The following SKAP2 variants were observed in gnomAD, a reference collection of about 807,000 sequenced individuals.
SKAP2 encodes the protein src kinase associated phosphoprotein 2.
Under a neutral mutation model 54.9 loss-of-function variants are expected in SKAP2, and 28 were observed. The observed-to-expected ratio is 0.51, with a 90% CI of 0.38 to 0.70. SKAP2 has a LOEUF of 0.70. SKAP2 is among the 30% of genes least tolerant of loss of function. The pLI, the probability that SKAP2 is intolerant of heterozygous loss-of-function variation, is 0.00. For missense variants in SKAP2, 356 were observed against 424.1 expected (o/e 0.84, Z 1.41); for synonymous variants, 137 against 134.3 (o/e 1.02, Z -0.14).
chr7:26,821,953 C>T (rs2127990521), intron 4 of SKAP2, among the ~76,000 whole-genome samples: 1 of 152,292 alleles, frequency 6.6e-6, no homozygotes, highest in Non-Finnish European at 1.5e-5. Context: ...CCTTACAACT[C>T]TTATCTCTGC....
At chr7:26,729,217 A>G (rs1787771671) in intron 6 of SKAP2, among the ~76,000 whole-genome samples, 1 of 152,192 alleles carries the variant, frequency 6.6e-6, no homozygotes, top group South Asian at 2.1e-4. Context: ...AGAGGAGGAC[A>G]GTATCAGCCT....
Position 26,670,079 on chromosome 7 carries a change from A to C in SKAP2, c.*9+12T>G, listed in dbSNP as rs1358339938. ...TGAGCTATTACAGAATATTGGATTA[A>C]AATGTACTTACCCAGGACTCTCAAA... On this transcript the variant is annotated intron_variant, in intron 12 of 12. Coordinates refer to ENST00000345317, the MANE Select transcript of SKAP2 (RefSeq NM_003930.5). 9.3e-7 allele frequency: 1 copy of C among 1,079,876 alleles called. No individual in the cohort carries two copies. The highest frequency in any genetic ancestry group is 1.5e-5 in the African/African-American group (1 of 64,656). 66.9% of individuals were successfully genotyped at this position (1,079,876 alleles called of 1,614,324 possible).
rs532008176 is a variant in SKAP2 at position 26,835,789 on chromosome 7, G to A, written c.307+8241C>T. Among the ~76,000 whole-genome samples the A allele has an allele frequency of 1.5e-3, 228 of 152,208 alleles. 1 individual carries two copies. Among genetic ancestry groups the A allele is most frequent in the African/African-American group, 5.2e-3 (216 of 41,524 alleles). On this transcript the variant is annotated intron_variant, in intron 4 of 12. Coordinates refer to ENST00000345317, the MANE Select transcript of SKAP2 (RefSeq NM_003930.5). ...ACCCAAAGTAATTTATAGACTCAAT[G>A]CTATCCCCATCAAGCTACCACTGAC...
At chr7:26,754,666 T>C (rs903849731) in intron 4 of SKAP2, among the ~76,000 whole-genome samples, 3 of 152,182 alleles carry the variant, frequency 2.0e-5, no homozygotes. Flanking sequence ...TGATGGAATA[T>C]TGAGCAGAAC....
intron 4 of SKAP2, among the ~76,000 whole-genome samples, chr7:26,787,367 G>C (rs575202182): frequency 6.6e-6 from 1 of 151,996 alleles, no homozygotes; most frequent in Non-Finnish European, 1.5e-5. Context: ...CTGCCACCTA[G>C]GCTGGAGTGC....
chr7:26,735,546 T>C (rs1787910829), intron 6 of SKAP2, among the ~76,000 whole-genome samples: 1 of 152,212 alleles, frequency 6.6e-6, no homozygotes, highest in African/African-American at 2.4e-5. Context: ...ACACGCAATA[T>C]GGTAGAAAAT....
intron 9 of SKAP2, among the ~76,000 whole-genome samples, chr7:26,707,457 C>A (rs1271323163): frequency 6.6e-6 from 1 of 152,064 alleles, no homozygotes; most frequent in Non-Finnish European, 1.5e-5. Flanking sequence ...TTGCCTATAG[C>A]ACATACACAA....
chr7:26,673,934 C>T (rs1462603491), intron 11 of SKAP2, among the ~76,000 whole-genome samples: 1 of 152,018 alleles, frequency 6.6e-6, no homozygotes, highest in Non-Finnish European at 1.5e-5. Flanking sequence ...TCTTTCTCTG[C>T]TGGAATATTA....
At chr7:26,821,780 A>G (rs538667591) in intron 4 of SKAP2, among the ~76,000 whole-genome samples, 13 of 152,186 alleles carry the variant, frequency 8.5e-5, no homozygotes, top group African/African-American at 2.9e-4. Context: ...CATTGGTTCT[A>G]CCCCTGGCTA....
intron 4 of SKAP2, among the ~76,000 whole-genome samples, chr7:26,754,925 A>C (rs1782757850): frequency 1.3e-5 from 2 of 152,230 alleles, no homozygotes; most frequent in African/African-American, 4.8e-5. Flanking sequence ...AAAATCCAAA[A>C]GATACACATC....
At chr7:26,827,028 C>T (rs573604109) in intron 4 of SKAP2, among the ~76,000 whole-genome samples, 65 of 152,144 alleles carry the variant, frequency 4.3e-4, no homozygotes, top group African/African-American at 1.5e-3. Flanking sequence ...AAAATAAGTC[C>T]TATTCAGTGA....
At chr7:26,853,415 T>C (rs1785089581) in intron 3 of SKAP2, among the ~76,000 whole-genome samples, 1 of 152,098 alleles carries the variant, frequency 6.6e-6, no homozygotes, top group Non-Finnish European at 1.5e-5. Context: ...CACACCCAGT[T>C]TCCCCTAAAG....
chr7:26,777,377 A>T (rs1783333637), intron 4 of SKAP2, among the ~76,000 whole-genome samples: 1 of 152,198 alleles, frequency 6.6e-6, no homozygotes, highest in South Asian at 2.1e-4. Context: ...GGGGACAAAA[A>T]AGAGGAAATA....
At chr7:26,764,293 TA>T (rs892064633) in intron 4 of SKAP2, among the ~76,000 whole-genome samples, 10 of 152,066 alleles carry the variant, frequency 6.6e-5, no homozygotes, top group Non-Finnish European at 1.5e-4. Flanking sequence ...AACTATGCAA[TA>T]AAAAATAGGA....
chr7:26,683,023 C>T (rs763564777), intron 11 of SKAP2, among the ~76,000 whole-genome samples: 2 of 152,118 alleles, frequency 1.3e-5, no homozygotes, highest in African/African-American at 2.4e-5. Context: ...CAAATAGATC[C>T]ACATGGGCTT....
intron 1 of SKAP2, among the ~76,000 whole-genome samples, chr7:26,864,015 TTC>T (rs1480264765): frequency 1.4e-5 from 2 of 144,338 alleles, no homozygotes; most frequent in Non-Finnish European, 3.0e-5. Context: ...ATCATTATCA[TTC>T]TCTCTCCCTC....
chr7:26,851,160 C>A (rs1465728324), intron 3 of SKAP2, among the ~76,000 whole-genome samples: 4 of 150,916 alleles, frequency 2.7e-5, no homozygotes, highest in Non-Finnish European at 5.9e-5. Context: ...TGGCTCATGC[C>A]TGTGATCCAT....
At chr7:26,713,444 T>C (rs1787353140) in intron 9 of SKAP2, among the ~76,000 whole-genome samples, 1 of 151,962 alleles carries the variant, frequency 6.6e-6, no homozygotes, top group South Asian at 2.1e-4. Flanking sequence ...AAGTGAATAA[T>C]AATAAGATGA....
chr7:26,690,975 C>T (rs1037855259), intron 9 of SKAP2, among the ~76,000 whole-genome samples: 1 of 151,954 alleles, frequency 6.6e-6, no homozygotes, highest in East Asian at 1.9e-4. Context: ...GAGGTAATTC[C>T]CCCAAAATTA....
Sources: gnomAD v4.1 joint callset for allele counts (sites outside exome capture counted in the v4.1 genomes callset) on GRCh38, gnomAD v4.1.1 for gene constraint, MANE v1.5 for transcripts, NCBI Gene and HGNC (gene_info 2026-07-23, HGNC 2026-07-21) for gene names.